Variants in DISP1 observed in about 807,000 individuals in gnomAD.
DISP1 encodes the protein protein dispatched homolog 1.
Under a neutral mutation model 37.3 loss-of-function variants are expected in DISP1, and 30 were observed. The ratio of observed to expected loss-of-function variants is 0.80; its 90% confidence interval spans 0.60 to 1.09. The LOEUF (loss-of-function observed/expected upper bound fraction) is 1.09, where lower values mean the gene tolerates loss of function less well. Among genes scored for constraint, DISP1 ranks in the 50% least tolerant of loss-of-function variants. The pLI is 0.00. For missense variants in DISP1, 1,598 were observed against 1,879.5 expected (o/e 0.85, Z 2.77); for synonymous variants, 634 against 690.2 (o/e 0.92, Z 1.28).
intron 3 of DISP1, chr1:222,943,609 A>G: frequency 2.0e-6 from 1 of 505,498 alleles, no homozygotes. Flanking sequence ...TATAAAATTC[A>G]ACAAAAAGTT....
intron 1 of DISP1, among the ~76,000 whole-genome samples, chr1:222,819,981 C>T (rs1295506729): frequency 6.6e-6 from 1 of 151,718 alleles, no homozygotes; most frequent in African/African-American, 2.4e-5. Context: ...CTTATTTAGC[C>T]TGATTCCTTT....
Position 222,997,503 on chromosome 1 carries a change from G to C in DISP1, c.987+2521G>C, listed in dbSNP as rs149801694. 2.9e-3 allele frequency among the ~76,000 whole-genome samples: 449 copies of C among 152,242 alleles called. 2 individuals are homozygous for C. Among genetic ancestry groups the C allele is most frequent in the African/African-American group, 0.01 (436 of 41,534 alleles). ...AGAGATACAATATTAAAGTTCAGCT[G>C]ATTTGCAAAACATAGGTAGGCTGGT... On this transcript the variant is annotated intron_variant, in intron 8 of 8. Coordinates refer to ENST00000675850, the MANE Select transcript of DISP1 (RefSeq NM_001377229.1).
intron 3 of DISP1, among the ~76,000 whole-genome samples, chr1:222,982,261 C>T (rs1449287877): frequency 6.6e-6 from 1 of 152,200 alleles, no homozygotes. Flanking sequence ...TCTGGCTTTA[C>T]ACACATCTGT....
intron 1 of DISP1, among the ~76,000 whole-genome samples, chr1:222,865,081 T>C (rs1419919395): frequency 1.3e-5 from 2 of 152,102 alleles, no homozygotes; most frequent in African/African-American, 4.8e-5. Flanking sequence ...GGTATATTTT[T>C]CTCTCTGATG....
At chr1:222,897,181 A>G (rs1012884169) in intron 1 of DISP1, among the ~76,000 whole-genome samples, 1 of 152,228 alleles carries the variant, frequency 6.6e-6, no homozygotes, top group Non-Finnish European at 1.5e-5. Context: ...GACAGCACGG[A>G]TGAATCTTAT....
At position 223,004,053 on chromosome 1, in the gene DISP1, T is replaced by G. The variant is rs1422752664; in HGVS notation, c.2656T>G (p.Phe886Val). Residue 886 changes from phenylalanine to valine, a missense_variant, in exon 9 of 9, where the codon TTT (phenylalanine) becomes GTT (valine). Transcript: ENST00000675850. This position sits in a 1 kb window ranked among gnomAD's most constrained non-coding sequence, Gnocchi z 4.9. ...GAGCTTCCCCTACAAGCAAGAGATT[T>G]TTGAACTGTGCATCAAGAGAGCTAT... The part of the protein sequence containing the change: ...HWSFPYKQEI[F>V]ELCIKRAIME... 2 of 1,614,014 alleles carry G rather than the reference T, an allele frequency of 1.2e-6. No homozygotes were observed. Among genetic ancestry groups the G allele is most frequent in the East Asian group, 4.5e-5 (2 of 44,896 alleles).
At chr1:222,914,078 C>A (rs1261535411) in intron 1 of DISP1, among the ~76,000 whole-genome samples, 2 of 145,960 alleles carry the variant, frequency 1.4e-5, no homozygotes, top group Non-Finnish European at 3.0e-5. Context: ...TCATTAAAAT[C>A]TTTGGGTTGT....
intron 1 of DISP1, among the ~76,000 whole-genome samples, chr1:222,826,146 C>T (rs1266228313): frequency 6.6e-6 from 1 of 152,110 alleles, no homozygotes; most frequent in Non-Finnish European, 1.5e-5. Flanking sequence ...TCAAGCTGTC[C>T]TCCCGTCTTG....
chr1:222,991,908 A>G, intron 6 of DISP1, 105 bp from the exon 7 acceptor site: 2 of 927,624 alleles, frequency 2.2e-6, no homozygotes, highest in Non-Finnish European at 3.5e-6. Context: ...CTTAATATCA[A>G]GGACTAAGCA....
chr1:222,817,635 A>G (rs1661581130), intron 1 of DISP1, among the ~76,000 whole-genome samples: 1 of 152,238 alleles, frequency 6.6e-6, no homozygotes, highest in Non-Finnish European at 1.5e-5. Flanking sequence ...CTCTGATGAA[A>G]AGCATGGCCC....
chr1:222,894,821 A>T (rs936988444), intron 1 of DISP1, among the ~76,000 whole-genome samples: 1 of 152,258 alleles, frequency 6.6e-6, no homozygotes, highest in Non-Finnish European at 1.5e-5. Context: ...CGGCTGCTCC[A>T]GACGGGCTGC....
chr1:222,844,798 T>G (rs146293140), intron 1 of DISP1, among the ~76,000 whole-genome samples: 3 of 152,120 alleles, frequency 2.0e-5, no homozygotes, highest in Non-Finnish European at 4.4e-5. Context: ...TTGATAATTG[T>G]ATTTCTGTGT....
chr1:222,870,616 T>C (rs1407807553), intron 1 of DISP1, among the ~76,000 whole-genome samples: 9 of 152,192 alleles, frequency 5.9e-5, no homozygotes, highest in South Asian at 2.1e-4. Flanking sequence ...TCATATCCTT[T>C]GCCCACTTTT....
rs75348919 is a variant in DISP1 at position 222,912,230 on chromosome 1, A to T, written c.-158-16200A>T. Among the ~76,000 whole-genome samples, 123 of 152,376 alleles carry T rather than the reference A, an allele frequency of 8.1e-4. 5 individuals carry two copies. In the East Asian group the frequency reaches 0.022, roughly 27 times the overall value. On this transcript the variant is annotated intron_variant, in intron 1 of 8. Transcript: ENST00000675850. ...TTAAAGAAGAGCCACTGTTTGCAAG[A>T]GGGCTTAATCATATCTTCATATCTC...
intron 2 of DISP1, among the ~76,000 whole-genome samples, chr1:222,936,727 G>T (rs1220605152): frequency 3.4e-5 from 3 of 87,086 alleles, no homozygotes; most frequent in African/African-American, 9.8e-5. Context: ...TCATATATAT[G>T]ATATATAAAA....
intron 1 of DISP1, among the ~76,000 whole-genome samples, chr1:222,920,210 A>G (rs1458646135): frequency 6.6e-6 from 1 of 152,190 alleles, no homozygotes; most frequent in African/African-American, 2.4e-5. Flanking sequence ...AACAAAATAC[A>G]ACTGAAACTG....
At chr1:222,999,990 T>C (rs1307213739) in intron 8 of DISP1, among the ~76,000 whole-genome samples, 5 of 152,232 alleles carry the variant, frequency 3.3e-5, no homozygotes, top group Admixed American at 3.3e-4. Flanking sequence ...GTGTTTATAA[T>C]GTCTAACCGC....
intron 4 of DISP1, among the ~76,000 whole-genome samples, chr1:222,988,540 G>GTATT (rs879686947): frequency 7.3e-4 from 110 of 151,602 alleles, no homozygotes; most frequent in Admixed American, 4.8e-3. Flanking sequence ...GGACGAGCTT[G>GTATT]TATTTATTTA....
intron 1 of DISP1, among the ~76,000 whole-genome samples, chr1:222,887,007 T>C (rs1670635122): frequency 6.6e-6 from 1 of 152,190 alleles, no homozygotes; most frequent in Non-Finnish European, 1.5e-5. Flanking sequence ...AGGGTTTGTT[T>C]ATAGATAAAT....
Sources: gnomAD v4.1 joint callset for allele counts (sites outside exome capture counted in the v4.1 genomes callset) on GRCh38, gnomAD v4.1.1 for gene constraint, Gnocchi (gnomAD v3.1) non-coding constraint, MANE v1.5 for transcripts, NCBI Gene and HGNC (gene_info 2026-07-23, HGNC 2026-07-21) for gene names.